RUVBL2: variants seen among roughly 807,000 people sequenced by gnomAD.
RUVBL2 encodes the protein ruvB-like 2.
Under a neutral mutation model 57.9 loss-of-function variants are expected in RUVBL2, and 9 were observed. The ratio of observed to expected loss-of-function variants is 0.16; its 90% CI spans 0.09 to 0.27. The LOEUF (loss-of-function observed/expected upper bound fraction) is 0.27, where lower values mean the gene tolerates loss of function less well. RUVBL2 is among the 10% of genes least tolerant of loss of function. The probability of loss-of-function intolerance (pLI) is 1.00; values close to 1 mark genes in which losing one functional copy is unlikely to be tolerated. For missense variants in RUVBL2, 456 were observed against 669.6 expected, an observed-to-expected ratio of 0.68 and a Z score of 3.52; for synonymous variants, 278 against 264.6, an observed-to-expected ratio of 1.05 and a Z score of -0.49.
chr19:49,009,695 A>G, intron 6 of RUVBL2, 81 bp from the exon 7 acceptor site: 1 of 1,225,842 alleles, frequency 8.2e-7, no homozygotes, highest in Admixed American at 1.7e-5. Flanking sequence ...GAGCAGAGCC[A>G]GAAGCTTATC....
intron 9 of RUVBL2, 27 bp downstream of exon 9, chr19:49,010,638 C>G (rs1216290245): frequency 5.6e-6 from 9 of 1,612,114 alleles, no homozygotes; most frequent in African/African-American, 1.3e-5. Flanking sequence ...CCTGCCCTGC[C>G]CTGCCCTGCC....
chr19:49,010,464 T>TGGTGG, intron 8 of RUVBL2, 24 bp from the exon 9 acceptor site: 2 of 1,513,582 alleles, frequency 1.3e-6, no homozygotes, highest in Non-Finnish European at 1.8e-6. Flanking sequence ...TCTCCGCCGT[T>TGGTGG]CTTCCCCCAC....
At chr19:49,002,805 G>C (rs949439463) in intron 2 of RUVBL2, among the ~76,000 whole-genome samples, 4 of 151,922 alleles carry the variant, frequency 2.6e-5, no homozygotes, top group Non-Finnish European at 5.9e-5. Context: ...GGCTGGTCTC[G>C]AACTCCTGAC....
At chr19:48,993,455 G>T, upstream of RUVBL2, 1 of 427,990 alleles carries the variant, frequency 2.3e-6, no homozygotes, top group Non-Finnish European at 4.4e-6. Flanking sequence ...GCTGTGTCCC[G>T]GCCCCGCCTC....
Position 48,994,004 on chromosome 19 carries a change from C to T in RUVBL2, c.12+81C>T. Reference sequence around the variant, plus strand: ...AGGAGGATGCTGGAGGCCCTGACTCCTGGGTCTGAGGGAGGGGGGATCTGG... The same window carrying T: ...AGGAGGATGCTGGAGGCCCTGACTCTTGGGTCTGAGGGAGGGGGGATCTGG... On this transcript the variant is annotated intron_variant, in intron 1 of 14. Coordinates refer to ENST00000595090, the MANE Select transcript of RUVBL2 (RefSeq NM_006666.3). 2.1e-6 allele frequency: 3 copies of T among 1,450,884 alleles called. 1 individual carries two copies. In the South Asian group the frequency reaches 3.4e-5, roughly 17 times the overall value. The allele number at this position is 1,450,884 out of a possible 1,614,324, so 89.9% of individuals were successfully genotyped here. A position where few individuals can be genotyped will look rare whatever the true frequency, so the allele number is the denominator to read the frequency against.
In RUVBL2 at chr19:49,015,222, G is replaced by A. The variant is rs2039521365; in HGVS notation, c.1251+72G>A. ...GACACAGTACTTCAGGGGCTTCCAG[G>A]GTTCCGATTTCATCCTAGAATGTAC... On this transcript the variant is annotated intron_variant, in intron 13 of 14. Coordinates refer to ENST00000595090, the MANE Select transcript of RUVBL2 (RefSeq NM_006666.3). 3 of 1,562,154 alleles carry A rather than the reference G, an allele frequency of 1.9e-6. No individual in the cohort carries two copies. The Admixed American group carries it at 5.2e-5, about 27-fold the overall frequency.
At chr19:49,013,919 CA>C (rs892149337) in intron 11 of RUVBL2, among the ~76,000 whole-genome samples, 2 of 152,190 alleles carry the variant, frequency 1.3e-5, no homozygotes, top group African/African-American at 2.4e-5. Context: ...TCTCAAAAAA[CA>C]AACCAAAAAG....
At chr19:49,004,174 C>G in intron 3 of RUVBL2, 103 bp from the exon 4 acceptor site, 2 of 1,396,790 alleles carry the variant, frequency 1.4e-6, no homozygotes, top group African/African-American at 1.5e-5. Flanking sequence ...TCCTAGAAGT[C>G]CCAGCTAGTA....
chr19:49,002,174 G>A (rs374771244), intron 2 of RUVBL2, among the ~76,000 whole-genome samples: 10 of 151,676 alleles, frequency 6.6e-5, no homozygotes, highest in Admixed American at 3.3e-4. Context: ...TCAGCCTCCC[G>A]AGTATCTGAG....
In RUVBL2 at chr19:48,996,970, T is replaced by G. The variant is rs985425091; in HGVS notation, c.13-2349T>G. On this transcript the variant is annotated intron_variant, in intron 1 of 14. Coordinates refer to ENST00000595090, the MANE Select transcript of RUVBL2 (RefSeq NM_006666.3). ...GAGCCACTACGCCCAGCCTGTTGTT[T>G]TTTTTTTTTCTTAATAGCTTTATTG... is the stretch of plus-strand genomic sequence containing the variant. Among the ~76,000 whole-genome samples the G allele has an allele frequency of 2.4e-4, 37 of 152,056 alleles. 2 individuals are homozygous for G. The highest frequency in any genetic ancestry group is 3.4e-4 in the African/African-American group (14 of 41,526).
At chr19:49,014,635 C>T (rs770671674) in intron 12 of RUVBL2, 32 bp downstream of exon 12, 146 of 1,612,420 alleles carry the variant, frequency 9.1e-5, no homozygotes, top group South Asian at 4.7e-4. Flanking sequence ...GCGCCTGAGA[C>T]GCAGGGCTGG....
At chr19:49,000,329 C>T (rs4801787) in intron 2 of RUVBL2, among the ~76,000 whole-genome samples, 11,349 of 152,134 alleles carry the variant, frequency 0.075, 505 homozygotes, top group Admixed American at 0.12. Flanking sequence ...CCAAGGTGGG[C>T]GGATCACCTG....
At chr19:49,013,622 C>T (rs763499356) in intron 11 of RUVBL2, among the ~76,000 whole-genome samples, 9 of 152,086 alleles carry the variant, frequency 5.9e-5, no homozygotes, top group Non-Finnish European at 1.0e-4. Flanking sequence ...AATAGAAACA[C>T]ACATACATGA....
At chr19:49,004,570 A>C in intron 4 of RUVBL2, 152 bp downstream of exon 4, 1 of 759,696 alleles carries the variant, frequency 1.3e-6, no homozygotes, top group South Asian at 1.8e-5. Flanking sequence ...GGAAGAATCT[A>C]GAGGTAGGCC....
Position 49,015,039 on chromosome 19 carries a change from G to T in RUVBL2, c.1140G>T (p.Val380=), listed in dbSNP as rs754203616. The T allele has an allele frequency of 6.2e-7, 1 of 1,605,126 alleles. No individual in the cohort carries two copies. Among genetic ancestry groups the T allele is most frequent in the Non-Finnish European group, 8.5e-7 (1 of 1,176,002 alleles). ...CTTGCAGGTGCGAGGAAGAAGATGT[G>T]GAGATGAGTGAGGACGCCTACACGG... is the stretch of plus-strand genomic sequence containing the variant. The part of the protein sequence containing the change: ...ILRIRCEEED[V]EMSEDAYTVL... The change falls in exon 13 of 15, where the codon GTG becomes GTT. Residue 380 remains valine, a synonymous_variant. Coordinates refer to ENST00000595090, the MANE Select transcript of RUVBL2 (RefSeq NM_006666.3).
At position 49,011,386 on chromosome 19, in the gene RUVBL2, C is replaced by G. The variant is rs2039425474; in HGVS notation, c.1001+76C>G. 1 of 1,174,192 alleles carries G rather than the reference C, an allele frequency of 8.5e-7. No homozygotes were observed. Among genetic ancestry groups the G allele is most frequent in the South Asian group, 1.2e-5 (1 of 81,702 alleles). The allele number at this position is 1,174,192 out of a possible 1,614,324, so 72.7% of individuals were successfully genotyped here. On this transcript the variant is annotated intron_variant, in intron 11 of 14. Transcript: ENST00000595090. The surrounding 1 kb of genome is among the most constrained non-coding windows in gnomAD (Gnocchi z 4.4). ...GGTGTGGTCAGAGGGTCAATGGGAG[C>G]CTGTGTTGACACCGGGTCAGGGAGG...
At chr19:48,994,495 A>G (rs186770959) in intron 1 of RUVBL2, 351 of 155,084 alleles carry the variant, frequency 2.3e-3, no homozygotes, top group Middle Eastern at 6.7e-3. Context: ...GGCCATTTTC[A>G]TATTTCCAGT....
chr19:49,010,431 C>T (rs913429986), intron 8 of RUVBL2, 57 bp from the exon 9 acceptor site: 4 of 1,595,272 alleles, frequency 2.5e-6, no homozygotes, highest in Non-Finnish European at 3.4e-6. Flanking sequence ...TTAGGGGCCC[C>T]CTTCATGCCC....
intron 6 of RUVBL2, among the ~76,000 whole-genome samples, chr19:49,008,096 CTT>C (rs1172686891): frequency 2.1e-5 from 3 of 143,026 alleles, no homozygotes; most frequent in Non-Finnish European, 4.6e-5. Context: ...AACAAAAACA[CTT>C]TTTATTTGGG....
Sources: allele counts gnomAD v4.1 joint callset (sites outside exome capture counted in the v4.1 genomes callset), GRCh38; gene constraint gnomAD v4.1.1; non-coding constraint Gnocchi (gnomAD v3.1); transcripts MANE v1.5; gene names NCBI Gene and HGNC (gene_info 2026-07-23, HGNC 2026-07-21).